PAXIP1: variants seen among roughly 807,000 people sequenced by gnomAD.
The protein encoded by PAXIP1 is PAX interacting protein 1.
A neutral mutation model predicts 140.6 loss-of-function variants in PAXIP1; 19 were observed. That is an observed-to-expected ratio of 0.14 (90% CI 0.09 to 0.20). PAXIP1 has a LOEUF of 0.20. PAXIP1 is among the 10% of genes least tolerant of loss of function. PAXIP1 has a pLI of 1.00. For synonymous variants in PAXIP1, 442 were observed against 444.6 expected, an observed-to-expected ratio of 0.99 and a Z score of 0.07; for missense variants, 920 against 1,208.6, an observed-to-expected ratio of 0.76 and a Z score of 3.54.
chr7:154,973,925 G>T lies in PAXIP1; in HGVS notation c.1074+1771C>A, dbSNP rs1262524672. ...AGAACAAGGTGAAGCGGCAGACGGG[G>T]TGTCACCATCAGATGGAACAGCCCA... On this transcript the variant is annotated intron_variant, in intron 6 of 20. Coordinates refer to ENST00000404141, the MANE Select transcript of PAXIP1 (RefSeq NM_007349.4). This position sits in a 1 kb window ranked among gnomAD's most constrained non-coding sequence, Gnocchi z 4.0. Among the ~76,000 whole-genome samples the T allele has an allele frequency of 6.6e-6, 1 of 152,170 alleles. No individual in the cohort carries two copies. The highest frequency in any genetic ancestry group is 2.4e-5 in the African/African-American group (1 of 41,442).
chr7:154,990,858 A>G (rs1327316516), intron 4 of PAXIP1, 148 bp downstream of exon 4: 5 of 470,028 alleles, frequency 1.1e-5, no homozygotes, highest in African/African-American at 2.0e-5. Context: ...TATTTAAATA[A>G]TTTTAAGTGT....
chr7:154,944,261 T>C (rs1295752611), intron 20 of PAXIP1, 97 bp from the exon 21 acceptor site: 6 of 1,050,136 alleles, frequency 5.7e-6, no homozygotes, highest in Admixed American at 2.3e-5. Context: ...AGAGACACCC[T>C]TGAAGGAATG....
intron 20 of PAXIP1, chr7:154,945,885 G>A (rs1233059105): frequency 1.0e-5 from 10 of 985,286 alleles, no homozygotes; most frequent in Non-Finnish European, 9.6e-6. Context: ...ATATTCTAAA[G>A]ACTGACCTTT....
Position 154,999,195 on chromosome 7 carries a change from G to A in PAXIP1, c.82-411C>T, listed in dbSNP as rs542520951. ...GGAAAGATTCTGGAAGACAAGATAT[G>A]TGAGCAGAACCCTCATAAACGTCTG... On this transcript the variant is annotated intron_variant, in intron 1 of 20. Coordinates refer to ENST00000404141, the MANE Select transcript of PAXIP1 (RefSeq NM_007349.4). Among the ~76,000 whole-genome samples the A allele has an allele frequency of 2.0e-5, 3 of 152,330 alleles. No homozygotes were observed. The South Asian group carries it at 6.2e-4, about 32-fold the overall frequency.
chr7:154,974,364 C>T (rs1386277256), intron 6 of PAXIP1: 2 of 152,346 alleles, frequency 1.3e-5, no homozygotes, highest in African/African-American at 4.8e-5. Context: ...CCAGTGGCTT[C>T]CTTCCAAGAA....
Position 154,946,835 on chromosome 7 carries a change from T to C in PAXIP1, c.2923-22A>G, listed in dbSNP as rs770626267. Reference sequence around the variant, plus strand: ...TTGCCTAAAATTAAATGAAAATATATGTATTATGTTCTTAAAATGCTTTAA... The same window carrying C: ...TTGCCTAAAATTAAATGAAAATATACGTATTATGTTCTTAAAATGCTTTAA... On this transcript the variant is annotated intron_variant, in intron 17 of 20. Coordinates refer to ENST00000404141, the MANE Select transcript of PAXIP1 (RefSeq NM_007349.4). The surrounding 1 kb of genome is among the most constrained non-coding windows in gnomAD (Gnocchi z 4.9). 24 of 1,491,352 alleles carry C rather than the reference T, an allele frequency of 1.6e-5. No homozygotes were observed. The South Asian group carries it at 2.4e-4, about 15-fold the overall frequency. The allele number at this position is 1,491,352 out of a possible 1,614,324, so 92.4% of individuals were successfully genotyped here. A position where few individuals can be genotyped will look rare whatever the true frequency, so the allele number is the denominator to read the frequency against.
intron 10 of PAXIP1, among the ~76,000 whole-genome samples, chr7:154,961,946 G>A (rs562828928): frequency 9.5e-4 from 144 of 152,330 alleles, no homozygotes; most frequent in Middle Eastern, 6.8e-3. Context: ...ACGTAACCAC[G>A]AGCCAGCTCC....
In PAXIP1 at chr7:154,961,485, G is replaced by A. The variant is rs140704872; in HGVS notation, c.2249+42C>T. 34 of 1,503,272 alleles carry A rather than the reference G, an allele frequency of 2.3e-5. 1 individual carries two copies. The South Asian group carries it at 2.6e-4, about 12-fold the overall frequency. 93.1% of individuals were successfully genotyped at this position (1,503,272 alleles called of 1,614,324 possible). ...ATTATTGAAATAGCCACTATATTGT[G>A]TGTAAATTTATGATTAAAAACAGTT... On this transcript the variant is annotated intron_variant, in intron 11 of 20. Transcript: ENST00000404141.
rs75419058 is a variant in PAXIP1, at chr7:154,969,590, G to A, written c.1075-464C>T. On this transcript the variant is annotated intron_variant, in intron 6 of 20. Transcript: ENST00000404141. ...CAGGTGGTGAAGGCATCTGGTAATC[G>A]GGCTCAGCCTCACCTCAAACCTTCT... Among the ~76,000 whole-genome samples the A allele has an allele frequency of 4.5e-3, 690 of 152,312 alleles. 7 individuals carry two copies. Among genetic ancestry groups the A allele is most frequent in the African/African-American group, 0.015 (636 of 41,560 alleles).
At chr7:154,969,683 G>A (rs1809207446) in intron 6 of PAXIP1, among the ~76,000 whole-genome samples, 1 of 152,202 alleles carries the variant, frequency 6.6e-6, no homozygotes, top group Admixed American at 6.5e-5. Flanking sequence ...AAGGTTCTCA[G>A]TGGATCACCT....
chr7:154,998,556 G>T, intron 2 of PAXIP1, 94 bp downstream of exon 2: 1 of 745,116 alleles, frequency 1.3e-6, no homozygotes, highest in Non-Finnish European at 2.0e-6. Context: ...CAGGACTTTA[G>T]CAAAAACCCT....
chr7:154,997,931 C>T (rs1810713591), intron 2 of PAXIP1, among the ~76,000 whole-genome samples: 1 of 152,244 alleles, frequency 6.6e-6, no homozygotes, highest in African/African-American at 2.4e-5. Context: ...TCCCGACAGG[C>T]CTTAGCCTGC....
At chr7:154,996,582 T>C (rs1563392382) in intron 2 of PAXIP1, among the ~76,000 whole-genome samples, 1 of 152,202 alleles carries the variant, frequency 6.6e-6, no homozygotes, top group African/African-American at 2.4e-5. Flanking sequence ...CATTCTGAAA[T>C]GTCACCTCAC....
At position 154,960,989 on chromosome 7, in the gene PAXIP1, A is replaced by C. The variant is rs61752006; in HGVS notation, c.2338T>G (p.Phe780Val). 20 of 1,602,564 alleles carry C rather than the reference A, an allele frequency of 1.2e-5. No individual in the cohort carries two copies. Among genetic ancestry groups the C allele is most frequent in the Non-Finnish European group, 1.7e-5 (20 of 1,174,274 alleles). Residue 780 changes from phenylalanine (F) to valine (V), a missense_variant, in exon 12 of 21, where the codon TTT (phenylalanine) becomes GTT (valine). Physicochemically the swap from Phe to Val is conservative, Grantham distance 50. Transcript: ENST00000404141. ...QWLGDILLGN[F>V]EALRQIQYSR... ...TACTGAATCTGCCTCAGTGCCTCAA[A>C]GTTTCCCAGAAGAATGTCGCCAAGC...
In PAXIP1 at chr7:154,961,136, AATGT is replaced by A. The variant is rs1339376391; in HGVS notation, c.2250-63_2250-60del. On this transcript the variant is annotated intron_variant, in intron 11 of 20. Coordinates refer to ENST00000404141, the MANE Select transcript of PAXIP1 (RefSeq NM_007349.4). Reference sequence around the variant, plus strand: ...AAATGTTAGAGATGTCAACTGTCCAAATGTACATTTATTTCCAACAAAAGGCAAT... The same window carrying A: ...AAATGTTAGAGATGTCAACTGTCCAAACATTTATTTCCAACAAAAGGCAAT... 7.9e-6 allele frequency: 10 copies of A among 1,261,034 alleles called. No homozygotes were observed. The African/African-American group carries it at 1.5e-4, about 19-fold the overall frequency. 78.1% of individuals were successfully genotyped at this position (1,261,034 alleles called of 1,614,324 possible).
At chr7:154,998,437 G>A (rs1810737897) in intron 2 of PAXIP1, among the ~76,000 whole-genome samples, 1 of 152,192 alleles carries the variant, frequency 6.6e-6, no homozygotes, top group Non-Finnish European at 1.5e-5. Flanking sequence ...GAACCCGGGA[G>A]GCGGAGGTTG....
chr7:154,951,614 A>C (rs748960262), intron 16 of PAXIP1: 1 of 142,684 alleles, frequency 7.0e-6, no homozygotes, highest in Non-Finnish European at 1.6e-5. Flanking sequence ...AGAGAGCAAC[A>C]CAGCAAATAC....
At position 154,956,769 on chromosome 7, in the gene PAXIP1, GCCTACATGCTCTCTCGGCA is replaced by G. The variant is rs1426110247; in HGVS notation, c.2549+436_2549+454del. The G allele has an allele frequency of 3.5e-3, 536 of 154,840 alleles. 4 individuals carry two copies. The highest frequency in any genetic ancestry group is 0.011 in the African/African-American group (436 of 41,462). 9.6% of individuals were successfully genotyped at this position (154,840 alleles called of 1,614,324 possible). A position where few individuals can be genotyped will look rare whatever the true frequency, so the allele number is the denominator to read the frequency against. On this transcript the variant is annotated intron_variant, in intron 14 of 20. Coordinates refer to ENST00000404141, the MANE Select transcript of PAXIP1 (RefSeq NM_007349.4). This position sits in a 1 kb window ranked among gnomAD's most constrained non-coding sequence, Gnocchi z 4.2. ...GGAGCATACCCAAGATGACGCCACA[GCCTACATGCTCTCTCGGCA>G]CCTACATGCTCTCTCGGCACCTACA...
intron 11 of PAXIP1, 111 bp from the exon 12 acceptor site, chr7:154,961,188 T>A: frequency 1.1e-6 from 1 of 872,186 alleles, no homozygotes; most frequent in Non-Finnish European, 1.7e-6. Flanking sequence ...ATAATAGAAG[T>A]GGGAGGCATA....
Sources: allele counts gnomAD v4.1 joint callset (sites outside exome capture counted in the v4.1 genomes callset), GRCh38; gene constraint gnomAD v4.1.1; non-coding constraint Gnocchi (gnomAD v3.1); transcripts MANE v1.5; gene names NCBI Gene and HGNC (gene_info 2026-07-23, HGNC 2026-07-21).